Variants in SNX1 observed in about 807,000 individuals in gnomAD.
SNX1 encodes sorting nexin-1.
A neutral mutation model predicts 71.8 loss-of-function variants in SNX1; 36 were observed. That is an observed-to-expected ratio of 0.50 (90% CI 0.38 to 0.66). The LOEUF is 0.66. Among genes scored for constraint, SNX1 ranks in the 30% least tolerant of loss-of-function variants. The pLI is 0.00. For missense variants in SNX1, 612 were observed against 646.7 expected (o/e 0.95, Z 0.58); for synonymous variants, 254 against 240.7 (o/e 1.06, Z -0.51).
In SNX1 at chr15:64,131,679, C is replaced by A. The variant is rs555371323; in HGVS notation, c.1016-8C>A. 6.2e-7 allele frequency: 1 copy of A among 1,613,470 alleles called. No homozygotes were observed. Among genetic ancestry groups the A allele is most frequent in the South Asian group, 1.1e-5 (1 of 91,056 alleles). On this transcript the variant is annotated splice_polypyrimidine_tract_variant and splice_region_variant and intron_variant, in intron 10 of 14. Transcript: ENST00000559844. ...AGAGAGGCCTCTGCTGTCTTTTCCT[C>A]CTTCCAGAGCTAGCGCTGAACACAG...
At chr15:64,121,078 A>G (rs1324004788) in intron 4 of SNX1, among the ~76,000 whole-genome samples, 1 of 152,178 alleles carries the variant, frequency 6.6e-6, no homozygotes, top group African/African-American at 2.4e-5. Context: ...ATATTTATGG[A>G]TAGTCTATAA....
In SNX1 at chr15:64,139,760, C is replaced by T. The variant is rs563818831; in HGVS notation, c.*2142C>T. On this transcript the variant is annotated 3_prime_UTR_variant, in exon 15 of 15. Coordinates refer to ENST00000559844, the MANE Select transcript of SNX1 (RefSeq NM_003099.5). ...ATGTCCTTTGTAGCCATTCTTTTACCTTGTGCAGGATCATGTTACATTTGT... is the reference window on the plus strand; with the variant it reads ...ATGTCCTTTGTAGCCATTCTTTTACTTTGTGCAGGATCATGTTACATTTGT... The T allele has an allele frequency of 1.4e-3, 209 of 152,034 alleles. 3 individuals are homozygous for T. The highest frequency in any genetic ancestry group is 4.6e-3 in the African/African-American group (191 of 41,440). 9.4% of individuals were successfully genotyped at this position (152,034 alleles called of 1,614,324 possible).
At chr15:64,127,690 G>T in intron 7 of SNX1, 41 bp from the exon 8 acceptor site, 1 of 1,502,514 alleles carries the variant, frequency 6.7e-7, no homozygotes, top group East Asian at 2.3e-5. Flanking sequence ...AACCTTCTGA[G>T]GCCAGCTCAA....
chr15:64,097,206 A>G (rs1045431142), intron 1 of SNX1, among the ~76,000 whole-genome samples: 4 of 152,206 alleles, frequency 2.6e-5, no homozygotes, highest in Non-Finnish European at 4.4e-5. Context: ...CGGCCAGTCT[A>G]AGGCACTCTC....
chr15:64,138,844 G>A lies in SNX1; in HGVS notation c.*1226G>A, dbSNP rs2081387675. 6.6e-6 allele frequency: 1 copy of A among 152,474 alleles called. No individual in the cohort carries two copies. Among genetic ancestry groups the A allele is most frequent in the South Asian group, 2.1e-4 (1 of 4,826 alleles). The allele number at this position is 152,474 out of a possible 1,614,324, so 9.4% of individuals were successfully genotyped here. A position where few individuals can be genotyped will look rare whatever the true frequency, so the allele number is the denominator to read the frequency against. On this transcript the variant is annotated 3_prime_UTR_variant, in exon 15 of 15. Coordinates refer to ENST00000559844, the MANE Select transcript of SNX1 (RefSeq NM_003099.5). ...AGCTCGAGCTGCTGACTGCCACTAT[G>A]GGAGCCTTGCCACCTCCAGCCCCTC...
chr15:64,127,580 C>T (rs1425382496), intron 7 of SNX1, 151 bp from the exon 8 acceptor site: 1 of 623,728 alleles, frequency 1.6e-6, no homozygotes, highest in African/African-American at 1.9e-5. Flanking sequence ...CTTGAATATG[C>T]TTACAAGGAG....
chr15:64,123,331 C>G (rs1175559222), intron 4 of SNX1, among the ~76,000 whole-genome samples, 172 bp from the exon 5 acceptor site: 1 of 152,176 alleles, frequency 6.6e-6, no homozygotes, highest in Non-Finnish European at 1.5e-5. Flanking sequence ...CACAGAGGCC[C>G]TGAGGCAAAG....
intron 11 of SNX1, 148 bp downstream of exon 11, chr15:64,132,040 C>T: frequency 1.3e-6 from 1 of 753,104 alleles, no homozygotes; most frequent in Non-Finnish European, 2.1e-6. Flanking sequence ...TCCTGTAAAC[C>T]AAGCAATCTA....
chr15:64,121,282 G>A, intron 4 of SNX1, among the ~76,000 whole-genome samples: 1 of 152,164 alleles, frequency 6.6e-6, no homozygotes, highest in East Asian at 1.9e-4. Context: ...CACAGTTTTG[G>A]AGGCCAGAAA....
rs1487988725 is a variant in SNX1, at chr15:64,129,156, A to G, written c.808-760A>G. ...CAGCTACTTGGGAGGCTGAGGCAGG[A>G]TAATCACTTGAACCCTGGAGGCAGA... On this transcript the variant is annotated intron_variant, in intron 8 of 14. Coordinates refer to ENST00000559844, the MANE Select transcript of SNX1 (RefSeq NM_003099.5). This position sits in a 1 kb window ranked among gnomAD's most constrained non-coding sequence, Gnocchi z 4.4. Among the ~76,000 whole-genome samples, 1 of 152,038 alleles carries G rather than the reference A, an allele frequency of 6.6e-6. No homozygotes were observed. Among genetic ancestry groups the G allele is most frequent in the African/African-American group, 2.4e-5 (1 of 41,362 alleles).
intron 2 of SNX1, among the ~76,000 whole-genome samples, chr15:64,116,512 C>T (rs890836638): frequency 2.6e-5 from 4 of 152,180 alleles, no homozygotes; most frequent in Admixed American, 2.0e-4. Context: ...TGTTTGCAGA[C>T]TTGATTCACA....
rs575357110 is a variant in SNX1 at position 64,127,488 on chromosome 15, A to G, written c.731+236A>G. 5.9e-5 allele frequency among the ~76,000 whole-genome samples: 9 copies of G among 152,302 alleles called. No individual in the cohort carries two copies. In the South Asian group the frequency reaches 1.7e-3, roughly 28 times the overall value. On this transcript the variant is annotated intron_variant, in intron 7 of 14. Transcript: ENST00000559844. ...GAGCAGGCAGTCATATTCTTAGACA[A>G]TCAATCAAATATGAATGGCTCTGAG...
At position 64,129,510 on chromosome 15, in the gene SNX1, C is replaced by T. The variant is rs143795674; in HGVS notation, c.808-406C>T. Among the ~76,000 whole-genome samples, 4 of 152,154 alleles carry T rather than the reference C, an allele frequency of 2.6e-5. No homozygotes were observed. Among genetic ancestry groups the T allele is most frequent in the Non-Finnish European group, 4.4e-5 (3 of 68,030 alleles). ...CACTGAAGAAAATTCGAACACAGCA[C>T]GATTTCAGTGTCTTAAGACTTTTAA... is the stretch of plus-strand genomic sequence containing the variant. On this transcript the variant is annotated intron_variant, in intron 8 of 14. Transcript: ENST00000559844. The surrounding 1 kb of genome is among the most constrained non-coding windows in gnomAD (Gnocchi z 4.4).
rs370641577 is a variant in SNX1, at chr15:64,138,080, A to G, written c.*462A>G. ...TGGGAATCAGGTCTGGAATACTCCTAACCAAGAAGTTGCCCAGGTATAGTA... is the reference window on the plus strand; with the variant it reads ...TGGGAATCAGGTCTGGAATACTCCTGACCAAGAAGTTGCCCAGGTATAGTA... On this transcript the variant is annotated 3_prime_UTR_variant, in exon 15 of 15. Coordinates refer to ENST00000559844, the MANE Select transcript of SNX1 (RefSeq NM_003099.5). 69 of 1,535,742 alleles carry G rather than the reference A, an allele frequency of 4.5e-5. 1 individual carries two copies. In the South Asian group the frequency reaches 7.7e-4, roughly 17 times the overall value.
chr15:64,134,947 C>A lies in SNX1; in HGVS notation c.1365+140C>A. 8.9e-7 allele frequency: 1 copy of A among 1,127,782 alleles called. No individual in the cohort carries two copies. Among genetic ancestry groups the A allele is most frequent in the Non-Finnish European group, 1.2e-6 (1 of 808,234 alleles). 69.9% of individuals were successfully genotyped at this position (1,127,782 alleles called of 1,614,324 possible). A position where few individuals can be genotyped will look rare whatever the true frequency, so the allele number is the denominator to read the frequency against. On this transcript the variant is annotated intron_variant, in intron 12 of 14. Coordinates refer to ENST00000559844, the MANE Select transcript of SNX1 (RefSeq NM_003099.5). This position sits in a 1 kb window ranked among gnomAD's most constrained non-coding sequence, Gnocchi z 4.1. ...AAAGGGCCGTGGCTGCTGAGGAAGC[C>A]TCTGAGAATGACTCCAGGCCTTCCT...
intron 2 of SNX1, among the ~76,000 whole-genome samples, chr15:64,113,722 G>A (rs145976017): frequency 6.6e-6 from 1 of 152,274 alleles, no homozygotes; most frequent in African/African-American, 2.4e-5. Context: ...TCAGGAGGCT[G>A]AGGCAGGAGA....
At position 64,139,322 on chromosome 15, in the gene SNX1, CTTG is replaced by C. The variant is rs1390278639; in HGVS notation, c.*1711_*1713del. On this transcript the variant is annotated 3_prime_UTR_variant, in exon 15 of 15. Coordinates refer to ENST00000559844, the MANE Select transcript of SNX1 (RefSeq NM_003099.5). Reference sequence around the variant, plus strand: ...ACTGTACCATAATTTTGATTCATCCCTTGTTGTTGGATTCTTGGTCAGGGGTTG... The same window carrying C: ...ACTGTACCATAATTTTGATTCATCCCTTGTTGGATTCTTGGTCAGGGGTTG... 8 of 138,560 alleles carry C rather than the reference CTTG, an allele frequency of 5.8e-5. No homozygotes were observed. Among genetic ancestry groups the C allele is most frequent in the African/African-American group, 1.1e-4 (4 of 36,308 alleles). 8.6% of individuals were successfully genotyped at this position (138,560 alleles called of 1,614,324 possible).
intron 2 of SNX1, among the ~76,000 whole-genome samples, chr15:64,114,768 A>T (rs2081112002): frequency 6.6e-6 from 1 of 152,230 alleles, no homozygotes. Context: ...GAATAGAAAA[A>T]TTGAGATTTT....
chr15:64,134,355 C>A lies in SNX1; in HGVS notation c.1222-309C>A, dbSNP rs923596603. The A allele has an allele frequency of 3.1e-5, 9 of 294,018 alleles. No individual in the cohort carries two copies. The highest frequency in any genetic ancestry group is 1.4e-4 in the South Asian group (2 of 14,044). 18.2% of individuals were successfully genotyped at this position (294,018 alleles called of 1,614,324 possible). A position where few individuals can be genotyped will look rare whatever the true frequency, so the allele number is the denominator to read the frequency against. On this transcript the variant is annotated intron_variant, in intron 11 of 14. Coordinates refer to ENST00000559844, the MANE Select transcript of SNX1 (RefSeq NM_003099.5). This position sits in a 1 kb window ranked among gnomAD's most constrained non-coding sequence, Gnocchi z 4.1. ...TATGTAGCCTTATGAACTGACTGAT[C>A]TGAGGGAGGCACTTCTGTAAGCCAT...
Sources: allele counts gnomAD v4.1 joint callset (sites outside exome capture counted in the v4.1 genomes callset), GRCh38; gene constraint gnomAD v4.1.1; non-coding constraint Gnocchi (gnomAD v3.1); transcripts MANE v1.5; gene names NCBI Gene and HGNC (gene_info 2026-07-23, HGNC 2026-07-21).